GAB2: variants seen among roughly 807,000 people sequenced by gnomAD.
The protein encoded by GAB2 is GRB2-associated-binding protein 2.
A neutral mutation model predicts 65.5 loss-of-function variants in GAB2; 26 were observed. The ratio of observed to expected loss-of-function variants is 0.40; its 90% CI spans 0.29 to 0.55. The LOEUF (loss-of-function observed/expected upper bound fraction) is 0.55. Among genes scored for constraint, GAB2 ranks in the 20% least tolerant of loss-of-function variants. The pLI, the probability that GAB2 is intolerant of heterozygous loss-of-function variation, is 0.53. For missense variants in GAB2, 884 were observed against 875.8 expected, an observed-to-expected ratio of 1.01 and a Z score of -0.12; for synonymous variants, 321 against 329.6, an observed-to-expected ratio of 0.97 and a Z score of 0.28.
At chr11:78,309,981 C>CGCGCGCGCG (rs1855461701) in intron 1 of GAB2, among the ~76,000 whole-genome samples, 1 of 135,832 alleles carries the variant, frequency 7.4e-6, no homozygotes, top group African/African-American at 3.4e-5. Context: ...TGCGCGCGCG[C>CGCGCGCGCG]CTGTGTGTGT....
intron 1 of GAB2, among the ~76,000 whole-genome samples, chr11:78,412,845 C>G (rs954254208): frequency 6.6e-6 from 1 of 152,134 alleles, no homozygotes; most frequent in Non-Finnish European, 1.5e-5. Flanking sequence ...AAGCATAGTG[C>G]CTGGTACAAA....
In GAB2 at chr11:78,221,694, C is replaced by G. The variant is rs1364431642; in HGVS notation, c.1744G>C (p.Glu582Gln). 1 of 1,612,492 alleles carries G rather than the reference C, an allele frequency of 6.2e-7. No homozygotes were observed. The highest frequency in any genetic ancestry group is 8.5e-7 in the Non-Finnish European group (1 of 1,178,630). ...GGACTCACCATAGGGACATAGTTCTCTTCGCTGTCTCCTGAGTCTGTGCTG... is the reference window on the plus strand; with the variant it reads ...GGACTCACCATAGGGACATAGTTCTGTTCGCTGTCTCCTGAGTCTGTGCTG... Reference protein sequence around the residue: ...ITSTDSGDSEENYVPMQNPVS... With the variant: ...ITSTDSGDSEQNYVPMQNPVS... Residue 582 changes from glutamate (E) to glutamine (Q), a missense_variant, in exon 8 of 10, where the codon GAG becomes CAG. Glu to Gln is a conservative substitution (Grantham distance 29). Coordinates refer to ENST00000361507, the MANE Select transcript of GAB2 (RefSeq NM_080491.3).
At chr11:78,393,487 C>T (rs1257133037) in intron 1 of GAB2, among the ~76,000 whole-genome samples, 1 of 152,208 alleles carries the variant, frequency 6.6e-6, no homozygotes, top group East Asian at 1.9e-4. Context: ...ATCAAATTAT[C>T]AAGTATTAAA....
At chr11:78,301,330 G>GTTTTTTTTTTT (rs373415325) in intron 1 of GAB2, among the ~76,000 whole-genome samples, 1 of 145,726 alleles carries the variant, frequency 6.9e-6, no homozygotes, top group Admixed American at 6.8e-5. Context: ...GTATCTTGTG[G>GTTTTTTTTTTT]TTTTTTGTTT....
intron 1 of GAB2, among the ~76,000 whole-genome samples, chr11:78,346,759 T>C (rs1207030569): frequency 7.1e-6 from 1 of 140,754 alleles, no homozygotes; most frequent in Non-Finnish European, 1.5e-5. Context: ...AAAATATTCC[T>C]GCTAGGTAAG....
intron 1 of GAB2, among the ~76,000 whole-genome samples, chr11:78,312,838 C>A (rs1855529310): frequency 6.6e-6 from 1 of 152,130 alleles, no homozygotes; most frequent in Non-Finnish European, 1.5e-5. Context: ...ACTCTGTCCT[C>A]TGGGCTCTTT....
Position 78,226,863 on chromosome 11 carries a change from CGGG to C in GAB2, c.806_808del (p.Pro269del). On this transcript the variant is annotated inframe_deletion, in exon 4 of 10. Coordinates refer to ENST00000361507, the MANE Select transcript of GAB2 (RefSeq NM_080491.3). ...GGTGTGGCCATGGGAGGCCAGGCTGCGGGGGAGGTCGTAGGTACTGTCTCTGAA... is the reference window on the plus strand; with the variant it reads ...GGTGTGGCCATGGGAGGCCAGGCTGCGGAGGTCGTAGGTACTGTCTCTGAA... 1 of 1,614,004 alleles carries C rather than the reference CGGG, an allele frequency of 6.2e-7. No individual in the cohort carries two copies. Among genetic ancestry groups the C allele is most frequent in the African/African-American group, 1.3e-5 (1 of 74,980 alleles).
chr11:78,253,621 CT>C (rs541648206), intron 2 of GAB2, among the ~76,000 whole-genome samples: 185 of 152,242 alleles, frequency 1.2e-3, no homozygotes, highest in Admixed American at 2.1e-3. Context: ...TTTCCTGTTT[CT>C]TTCTTCAACC....
chr11:78,318,385 A>AAAAAAAAAAAAAAAAAAAAAAAAAC (rs1855657540), intron 1 of GAB2, among the ~76,000 whole-genome samples: 1 of 146,342 alleles, frequency 6.8e-6, no homozygotes, highest in Non-Finnish European at 1.5e-5. Context: ...AAAAAAAAAA[A>AAAAAAAAAAAAAAAAAAAAAAAAAC]AGCTGTGAAA....
Position 78,273,781 on chromosome 11 carries a change from A to C in GAB2, c.376+6820T>G, listed in dbSNP as rs192519213. ...CACCCAAATCTCATCTTGGATTCCC[A>C]CATGTTGTTGGAAGGACCTGCTGGG... is the stretch of plus-strand genomic sequence containing the variant. On this transcript the variant is annotated intron_variant, in intron 2 of 9. Transcript: ENST00000361507. Among the ~76,000 whole-genome samples, 282 of 152,294 alleles carry C rather than the reference A, an allele frequency of 1.9e-3. 3 individuals carry two copies. The highest frequency in any genetic ancestry group is 6.8e-3 in the Middle Eastern group (2 of 294).
chr11:78,220,513 C>G (rs115539930), intron 8 of GAB2, 69 bp from the exon 9 acceptor site: 5 of 1,376,254 alleles, frequency 3.6e-6, no homozygotes, highest in African/African-American at 1.5e-5. Context: ...AGAAAAACAC[C>G]TCTGGGAGTA....
At chr11:78,335,634 G>T (rs1855984398) in intron 1 of GAB2, among the ~76,000 whole-genome samples, 1 of 152,082 alleles carries the variant, frequency 6.6e-6, no homozygotes, top group East Asian at 1.9e-4. Context: ...TGCTGTTTTG[G>T]TTAGTATAGC....
At chr11:78,316,683 G>C (rs60213140) in intron 1 of GAB2, among the ~76,000 whole-genome samples, 1 of 152,234 alleles carries the variant, frequency 6.6e-6, no homozygotes, top group African/African-American at 2.4e-5. Flanking sequence ...TGCAATGTTG[G>C]TGGGGATATA....
chr11:78,365,142 T>C (rs2134721270), intron 1 of GAB2, among the ~76,000 whole-genome samples: 1 of 152,256 alleles, frequency 6.6e-6, no homozygotes, highest in Admixed American at 6.5e-5. Flanking sequence ...AAACAAATAT[T>C]TGTGTAGGAA....
chr11:78,318,369 C>CAAAGAAAAAAAAAAAAAAAAAAAA (rs1855654469), intron 1 of GAB2: 1 of 47,676 alleles, frequency 2.1e-5, no homozygotes. Flanking sequence ...TGTTAAATGC[C>CAAAGAAAAAAAAAAAAAAAAAAAA]AAAAAAAAAA....
intron 3 of GAB2, among the ~76,000 whole-genome samples, chr11:78,233,732 C>A (rs987807758): frequency 6.6e-6 from 1 of 152,138 alleles, no homozygotes; most frequent in Non-Finnish European, 1.5e-5. Context: ...TCAGCCTCGC[C>A]AGTAGCTGGC....
intron 1 of GAB2, among the ~76,000 whole-genome samples, chr11:78,289,782 T>C (rs972748055): frequency 3.3e-5 from 5 of 150,370 alleles, no homozygotes; most frequent in Admixed American, 3.3e-4. Context: ...AGGTAGGGTT[T>C]GATATGCGGT....
At chr11:78,417,351 CA>C (rs5792809) in intron 1 of GAB2, among the ~76,000 whole-genome samples, 47,137 of 151,692 alleles carry the variant, frequency 0.31, 9,054 homozygotes, top group African/African-American at 0.53. Context: ...GCCATCAATA[CA>C]AAACTTCGAC....
intron 1 of GAB2, among the ~76,000 whole-genome samples, chr11:78,322,756 G>A (rs1855749489): frequency 6.7e-6 from 1 of 148,666 alleles, no homozygotes; most frequent in African/African-American, 2.5e-5. Context: ...ACCACAATGA[G>A]AGACCATCTC....
Sources: gnomAD v4.1 joint callset for allele counts (sites outside exome capture counted in the v4.1 genomes callset) on GRCh38, gnomAD v4.1.1 for gene constraint, MANE v1.5 for transcripts, NCBI Gene and HGNC (gene_info 2026-07-23, HGNC 2026-07-21) for gene names.